Variants in SMIM10L3 observed in about 807,000 individuals in gnomAD.
SMIM10L3 encodes the protein salivary gland specific protein SAGSIN1.
the SMIM10L3 span, among the ~76,000 whole-genome samples, chr7:6,335,687 G>A: frequency 1.3e-3 from 202 of 152,178 alleles, 1 homozygote; most frequent in African/African-American, 4.6e-3. Context: ...GGGACATGCT[G>A]AAAAGTTTTT....
At chr7:6,345,050 C>T in the SMIM10L3 span, among the ~76,000 whole-genome samples, 3 of 152,050 alleles carry the variant, frequency 2.0e-5, no homozygotes, top group Non-Finnish European at 4.4e-5. Flanking sequence ...GGCCACTGCG[C>T]CCGGCCAGAG....
At chr7:6,331,071 G>A in the SMIM10L3 span, 11 of 1,613,556 alleles carry the variant, frequency 6.8e-6, no homozygotes, top group Non-Finnish European at 7.6e-6. Context: ...TCTTAAGGCT[G>A]CATGATAGTT....
chr7:6,348,586 T>C, the SMIM10L3 span: 2 of 439,494 alleles, frequency 4.6e-6, no homozygotes, highest in South Asian at 5.2e-5. Flanking sequence ...CAGGCGGACG[T>C]TGAGCATCAT....
At chr7:6,331,017 C>T in the SMIM10L3 span, 1 of 1,614,150 alleles carries the variant, frequency 6.2e-7, no homozygotes, top group African/African-American at 1.3e-5. Context: ...GCTTATTCAT[C>T]CAGGAGGGTG....
chr7:6,347,883 T>C, the SMIM10L3 span, among the ~76,000 whole-genome samples: 1 of 131,538 alleles, frequency 7.6e-6, no homozygotes, highest in Non-Finnish European at 1.6e-5. Context: ...ACGAGACCCC[T>C]TTATTATTAT....
At chr7:6,329,646 G>A in the SMIM10L3 span, 3 of 162,918 alleles carry the variant, frequency 1.8e-5, no homozygotes, top group Non-Finnish European at 4.4e-5. Context: ...AAATTTTAGG[G>A]TACAGGATAC....
At chr7:6,341,024 G>C in the SMIM10L3 span, among the ~76,000 whole-genome samples, 1 of 147,424 alleles carries the variant, frequency 6.8e-6, no homozygotes, top group African/African-American at 2.5e-5. Flanking sequence ...GGAACCTACA[G>C]TCCCAGCTAC....
At chr7:6,348,237 G>GGGT in the SMIM10L3 span, among the ~76,000 whole-genome samples, 1 of 151,046 alleles carries the variant, frequency 6.6e-6, no homozygotes. Flanking sequence ...AAATAAGGGG[G>GGGT]GGGGTTGCAA....
chr7:6,348,930 C>A, the SMIM10L3 span: 4 of 382,776 alleles, frequency 1.0e-5, no homozygotes, highest in East Asian at 3.8e-5. Context: ...GAAGTGCCTC[C>A]GCGAGCAGCC....
chr7:6,348,443 C>T, the SMIM10L3 span: 3 of 391,726 alleles, frequency 7.7e-6, no homozygotes, highest in East Asian at 1.1e-4. Context: ...AGTAGGGTCG[C>T]ACGGGAAAAT....
At chr7:6,339,879 G>A in the SMIM10L3 span, among the ~76,000 whole-genome samples, 25 of 151,116 alleles carry the variant, frequency 1.7e-4, no homozygotes, top group Non-Finnish European at 3.4e-4. Flanking sequence ...CCAGCTCGGC[G>A]TCAGGCAACT....
At chr7:6,331,485 G>C in the SMIM10L3 span, among the ~76,000 whole-genome samples, 1 of 150,846 alleles carries the variant, frequency 6.6e-6, no homozygotes, top group Non-Finnish European at 1.5e-5. Context: ...TTGTTTTTTT[G>C]AGACAGAGTC....
chr7:6,330,993 T>C, the SMIM10L3 span: 2 of 1,614,242 alleles, frequency 1.2e-6, no homozygotes, highest in East Asian at 4.5e-5. Flanking sequence ...TTTGTGAATT[T>C]CCATCAACCA....
the SMIM10L3 span, chr7:6,348,884 G>A: frequency 2.6e-6 from 1 of 388,506 alleles, no homozygotes. Context: ...GGGCGGGCGG[G>A]CCGCAGTGGA....
At chr7:6,331,062 C>T in the SMIM10L3 span, 3 of 1,613,784 alleles carry the variant, frequency 1.9e-6, no homozygotes, top group Non-Finnish European at 2.5e-6. Context: ...GCATTCTTTT[C>T]TTAAGGCTGC....
chr7:6,333,603 ATCC>A, the SMIM10L3 span, among the ~76,000 whole-genome samples: 232 of 151,976 alleles, frequency 1.5e-3, 2 homozygotes, highest in Middle Eastern at 0.031. Flanking sequence ...GGCTCAAGCA[ATCC>A]TCCTAATTCA....
the SMIM10L3 span, among the ~76,000 whole-genome samples, chr7:6,343,449 C>T: frequency 1.6e-5 from 2 of 122,540 alleles, no homozygotes; most frequent in African/African-American, 6.3e-5. Context: ...TATATATGAT[C>T]TAGGACTAAG....
the SMIM10L3 span, among the ~76,000 whole-genome samples, chr7:6,342,125 C>A: frequency 1.3e-5 from 2 of 152,168 alleles, no homozygotes; most frequent in African/African-American, 2.4e-5. Flanking sequence ...GTTCTAGGTG[C>A]TGGTATTAGG....
chr7:6,343,201 G>A, the SMIM10L3 span, among the ~76,000 whole-genome samples: 1 of 150,514 alleles, frequency 6.6e-6, no homozygotes, highest in African/African-American at 2.4e-5. Flanking sequence ...ACATGGTGAA[G>A]CCCCGTCTCT....
Sources: allele counts gnomAD v4.1 joint callset (sites outside exome capture counted in the v4.1 genomes callset), GRCh38; gene constraint gnomAD v4.1.1; transcripts MANE v1.5; gene names NCBI Gene and HGNC (gene_info 2026-07-23, HGNC 2026-07-21).